The following MAP4K1 variants were observed in gnomAD, a reference collection of about 807,000 sequenced individuals.
MAP4K1 encodes the protein mitogen-activated protein kinase kinase kinase kinase 1, also known as MAPK/ERK kinase kinase kinase 1.
MAP4K1 carries 35 observed loss-of-function variants against 122.8 expected under a neutral mutation model. The ratio of observed to expected loss-of-function variants is 0.29; its 90% confidence interval spans 0.22 to 0.38. The LOEUF (loss-of-function observed/expected upper bound fraction) is 0.38, where lower values mean the gene tolerates loss of function less well. Ranked by LOEUF, MAP4K1 falls within the 10% of genes least tolerant of loss-of-function variation. MAP4K1 has a pLI of 1.00. For synonymous variants in MAP4K1, 412 were observed against 421.3 expected, an observed-to-expected ratio of 0.98 and a Z score of 0.27; for missense variants, 791 against 1,072.6, an observed-to-expected ratio of 0.74 and a Z score of 3.67.
Position 38,590,423 on chromosome 19 carries a change from ATATATATATATAT to A in MAP4K1, c.2397-2619_2397-2607del, listed in dbSNP as rs1568619021. Among the ~76,000 whole-genome samples the A allele has an allele frequency of 2.5e-4, 29 of 116,648 alleles. 1 individual carries two copies. The highest frequency in any genetic ancestry group is 9.7e-4 in the African/African-American group (29 of 29,894). The allele number at this position is 116,648 out of a possible 152,430, so 76.5% of individuals were successfully genotyped here. ...TATATATATATATATATATATATAT[ATATATATATATAT>A]AATCACGGGCGTCACTAGGACAACG... On this transcript the variant is annotated intron_variant, in intron 30 of 30. Transcript: ENST00000396857.
At chr19:38,590,566 C>T (rs1344471484) in intron 30 of MAP4K1, among the ~76,000 whole-genome samples, 1 of 151,210 alleles carries the variant, frequency 6.6e-6, no homozygotes, top group Non-Finnish European at 1.5e-5. Context: ...GCAACCTCCA[C>T]CTCTCCGATT....
intron 25 of MAP4K1, 53 bp from the exon 26 acceptor site, chr19:38,596,539 CAG>C: frequency 7.1e-7 from 1 of 1,412,034 alleles, no homozygotes; most frequent in Non-Finnish European, 9.4e-7. Flanking sequence ...GACGGGGCCT[CAG>C]GGGGCGTGGC....
chr19:38,617,537 G>A lies in MAP4K1; in HGVS notation c.157+31C>T, dbSNP rs1568645550. On this transcript the variant is annotated intron_variant, in intron 2 of 30. Coordinates refer to ENST00000396857, the MANE Select transcript of MAP4K1 (RefSeq NM_001042600.3). The surrounding 1 kb of genome is among the most constrained non-coding windows in gnomAD (Gnocchi z 4.1). Reference sequence around the variant, plus strand: ...TGTCCCAGGAGGCGAAGGTGGGGATGTGGGGAAGGAGCTCCATGTTCCCTC... The same window carrying A: ...TGTCCCAGGAGGCGAAGGTGGGGATATGGGGAAGGAGCTCCATGTTCCCTC... 14 of 1,613,764 alleles carry A rather than the reference G, an allele frequency of 8.7e-6. No homozygotes were observed. Among genetic ancestry groups the A allele is most frequent in the Non-Finnish European group, 1.2e-5 (14 of 1,179,692 alleles).
chr19:38,607,578 A>AAG (rs1555811496), intron 16 of MAP4K1, among the ~76,000 whole-genome samples: 1 of 150,564 alleles, frequency 6.6e-6, no homozygotes, highest in East Asian at 1.9e-4. Flanking sequence ...AAAAAAAAAA[A>AAG]AAGAAGAAGG....
chr19:38,594,648 T>C (rs1167801383), intron 29 of MAP4K1, among the ~76,000 whole-genome samples: 1 of 142,828 alleles, frequency 7.0e-6, no homozygotes, highest in South Asian at 2.2e-4. Context: ...TCAAAAAATA[T>C]ATAAAAATGG....
At chr19:38,591,526 CA>C (rs5828010) in intron 30 of MAP4K1, among the ~76,000 whole-genome samples, 13,056 of 66,692 alleles carry the variant, frequency 0.2, 895 homozygotes, top group African/African-American at 0.37. Flanking sequence ...GACTCCATCT[CA>C]AAAAAAAAAA....
intron 9 of MAP4K1, 109 bp downstream of exon 9, chr19:38,612,502 T>TCA (rs1975527405): frequency 1.0e-6 from 1 of 967,702 alleles, no homozygotes; most frequent in South Asian, 2.4e-5. Flanking sequence ...TAGGCTCAAG[T>TCA]GGTGATCCCT....
At chr19:38,602,485 TATAC>T (rs1423889986) in intron 19 of MAP4K1, among the ~76,000 whole-genome samples, 4 of 131,900 alleles carry the variant, frequency 3.0e-5, no homozygotes, top group African/African-American at 1.0e-4. Flanking sequence ...TATACACACA[TATAC>T]ATATATACAT....
chr19:38,596,726 G>A (rs1488513501), intron 25 of MAP4K1, among the ~76,000 whole-genome samples: 4 of 152,210 alleles, frequency 2.6e-5, no homozygotes, highest in Non-Finnish European at 5.9e-5. Context: ...GGGCCCCAAA[G>A]ATAGCAAAAC....
At chr19:38,604,674 C>T (rs1382816041) in intron 19 of MAP4K1, among the ~76,000 whole-genome samples, 2 of 151,614 alleles carry the variant, frequency 1.3e-5, no homozygotes, top group African/African-American at 4.8e-5. Context: ...CCTGTAGTCC[C>T]AGCTACTCGG....
At chr19:38,590,795 G>GTTT (rs762236008) in intron 30 of MAP4K1, among the ~76,000 whole-genome samples, 4 of 151,824 alleles carry the variant, frequency 2.6e-5, no homozygotes, top group Non-Finnish European at 5.9e-5. Flanking sequence ...ATTGAGTAGG[G>GTTT]GTATGAATTA....
rs745360885 is a variant in MAP4K1, at chr19:38,600,061, C to T, written c.1608+16G>A. The T allele has an allele frequency of 9.3e-6, 15 of 1,614,012 alleles. 1 individual carries two copies. In the South Asian group the frequency reaches 9.9e-5, roughly 11 times the overall value. On this transcript the variant is annotated intron_variant, in intron 21 of 30. Transcript: ENST00000396857. ...TCCGGCCCTTGCCCTTGCCCTGGCC[C>T]GGTATGGTTCCTCACCATTTCCAGC... is the stretch of plus-strand genomic sequence containing the variant.
intron 13 of MAP4K1, 106 bp downstream of exon 13, chr19:38,609,490 G>T: frequency 1.0e-6 from 1 of 955,658 alleles, no homozygotes; most frequent in Non-Finnish European, 1.6e-6. Flanking sequence ...TCTCTTATAG[G>T]ATCAGATGAT....
chr19:38,611,076 C>G lies in MAP4K1; in HGVS notation c.785G>C (p.Arg262Pro). ...ACTGAGCATCTTGGTGGCGCTGGGT[C>G]GTTTCTTGGGACTCTTAGTCAGAGT... Reference protein sequence around the residue: ...KVTLTKSPKKRPSATKMLSHQ... With the variant: ...KVTLTKSPKKPPSATKMLSHQ... The change falls in exon 11 of 31, where the codon CGA (arginine) becomes CCA (proline). Residue 262 changes from arginine (R) to proline (P), a missense_variant. Coordinates refer to ENST00000396857, the MANE Select transcript of MAP4K1 (RefSeq NM_001042600.3). The G allele has an allele frequency of 6.2e-7, 1 of 1,612,456 alleles. No individual in the cohort carries two copies.
chr19:38,605,881 C>A, intron 17 of MAP4K1, 151 bp from the exon 18 acceptor site: 1 of 718,158 alleles, frequency 1.4e-6, no homozygotes, highest in Admixed American at 3.0e-5. Flanking sequence ...TCCAGCCTTC[C>A]CCTGACATCC....
intron 20 of MAP4K1, among the ~76,000 whole-genome samples, chr19:38,600,946 T>C (rs1975043641): frequency 6.6e-6 from 1 of 151,798 alleles, no homozygotes; most frequent in Non-Finnish European, 1.5e-5. Flanking sequence ...GCTGGGATTA[T>C]AGGCACGTGC....
intron 11 of MAP4K1, among the ~76,000 whole-genome samples, chr19:38,610,288 C>T (rs947942238): frequency 2.6e-5 from 4 of 152,032 alleles, no homozygotes; most frequent in African/African-American, 7.3e-5. Context: ...TCACTGCAAC[C>T]TCCACCTCCT....
At chr19:38,602,411 G>C (rs1410428331) in intron 19 of MAP4K1, among the ~76,000 whole-genome samples, 1 of 148,024 alleles carries the variant, frequency 6.8e-6, no homozygotes, top group African/African-American at 2.5e-5. Context: ...TATATATATA[G>C]ACACACACAC....
intron 26 of MAP4K1, 124 bp from the exon 27 acceptor site, chr19:38,596,125 CG>C: frequency 7.6e-7 from 1 of 1,312,710 alleles, no homozygotes; most frequent in Non-Finnish European, 1.1e-6. Context: ...GGCTAAACCC[CG>C]CCCACCATCC....
Sources: gnomAD v4.1 joint callset for allele counts (sites outside exome capture counted in the v4.1 genomes callset) on GRCh38, gnomAD v4.1.1 for gene constraint, Gnocchi (gnomAD v3.1) non-coding constraint, MANE v1.5 for transcripts, NCBI Gene and HGNC (gene_info 2026-07-23, HGNC 2026-07-21) for gene names.